FRYL: variants seen among roughly 807,000 people sequenced by gnomAD.
FRYL encodes FRY like transcription coactivator, also known as protein furry homolog-like.
Under a neutral mutation model 351.2 loss-of-function variants are expected in FRYL, and 150 were observed. That is an observed-to-expected ratio of 0.43 (90% confidence interval 0.37 to 0.49). The LOEUF is 0.49. Ranked by LOEUF, FRYL falls within the 20% of genes least tolerant of loss-of-function variation. The probability of loss-of-function intolerance (pLI) is 0.00; values close to 1 mark genes in which losing one functional copy is unlikely to be tolerated. For missense variants in FRYL, 3,036 were observed against 3,619.3 expected, an observed-to-expected ratio of 0.84 and a Z score of 4.13; for synonymous variants, 1,153 against 1,257.1, an observed-to-expected ratio of 0.92 and a Z score of 1.75.
chr4:48,757,537 T>C (rs6447658), intron 1 of FRYL, among the ~76,000 whole-genome samples: 146,925 of 151,310 alleles, frequency 0.97, 71,485 homozygotes, highest in Non-Finnish European at 1. Context: ...TTACAAGGGA[T>C]GTGAAGGACC....
chr4:48,570,437 C>T (rs1233412208), intron 27 of FRYL, among the ~76,000 whole-genome samples: 2 of 152,090 alleles, frequency 1.3e-5, no homozygotes, highest in Non-Finnish European at 2.9e-5. Context: ...AATGTTTAGC[C>T]TGTGAATATA....
At chr4:48,691,170 T>C (rs1285784884) in intron 2 of FRYL, among the ~76,000 whole-genome samples, 2 of 152,208 alleles carry the variant, frequency 1.3e-5, no homozygotes, top group Non-Finnish European at 2.9e-5. Flanking sequence ...TCACAACTTG[T>C]ACCAAAAGCC....
At position 48,546,190 on chromosome 4, in the gene FRYL, C is replaced by G. The variant is rs1007870115; in HGVS notation, c.5156G>C (p.Ser1719Thr). 2.5e-6 allele frequency: 4 copies of G among 1,613,644 alleles called. No homozygotes were observed. The African/African-American group carries it at 4.0e-5, about 16-fold the overall frequency. The change falls in exon 42 of 64, where the codon AGT becomes ACT. Residue 1719 changes from serine (S) to threonine (T), a missense_variant. Around this residue, in one of 7 missense-constraint regions of FRYL, gnomAD observed 1,987 missense variants for 2,311.7 expected, o/e 0.86. Transcript: ENST00000358350. ...SGLSSSSTSSSISLGNNSAAI... is the reference protein window; with the variant it reads ...SGLSSSSTSSTISLGNNSAAI... ...AGCACTGTTATTTCCTAAGCTGATA[C>G]TAGAAGAGGTAGAACTTGAGCTAAG... is the stretch of plus-strand genomic sequence containing the variant.
intron 4 of FRYL, among the ~76,000 whole-genome samples, chr4:48,629,828 G>C (rs1275422152): frequency 6.6e-6 from 1 of 152,018 alleles, no homozygotes; most frequent in Non-Finnish European, 1.5e-5. Context: ...TATGGCTAAA[G>C]GTGAGGATAA....
intron 1 of FRYL, among the ~76,000 whole-genome samples, chr4:48,772,694 A>G (rs1386986612): frequency 6.6e-6 from 1 of 150,746 alleles, no homozygotes; most frequent in Non-Finnish European, 1.5e-5. Flanking sequence ...AAAAAAAAAA[A>G]AAAAAAAAAA....
chr4:48,651,379 C>T (rs1757678234), intron 3 of FRYL, among the ~76,000 whole-genome samples: 1 of 146,178 alleles, frequency 6.8e-6, no homozygotes, highest in Non-Finnish European at 1.5e-5. Context: ...ACTATGTTGC[C>T]CAGGCTGGAC....
At chr4:48,539,894 G>A in intron 47 of FRYL, 77 bp downstream of exon 47, 1 of 1,057,888 alleles carries the variant, frequency 9.5e-7, no homozygotes, top group Non-Finnish European at 1.4e-6. Flanking sequence ...GGAGTTTTAA[G>A]AGATTTCCCC....
At chr4:48,572,894 G>C (rs1456810412) in intron 26 of FRYL, among the ~76,000 whole-genome samples, 2 of 152,188 alleles carry the variant, frequency 1.3e-5, no homozygotes, top group African/African-American at 4.8e-5. Flanking sequence ...GGGCTGAGTA[G>C]AGACAGTATG....
At chr4:48,586,754 A>T in intron 18 of FRYL, 26 bp from the exon 19 acceptor site, 1 of 1,440,518 alleles carries the variant, frequency 6.9e-7, no homozygotes, top group Non-Finnish European at 9.7e-7. Context: ...GGATTTAATA[A>T]GAAACATATT....
At chr4:48,773,812 G>A (rs541880540) in intron 1 of FRYL, among the ~76,000 whole-genome samples, 26 of 152,136 alleles carry the variant, frequency 1.7e-4, no homozygotes, top group Non-Finnish European at 1.9e-4. Context: ...AGCTACTCAC[G>A]GGGCTGAGGT....
intron 28 of FRYL, 98 bp from the exon 29 acceptor site, chr4:48,565,789 A>G (rs1736643943): frequency 9.0e-6 from 11 of 1,218,948 alleles, no homozygotes; most frequent in Non-Finnish European, 1.3e-5. Context: ...GTAAAAAAGA[A>G]AGCAGAAGTT....
intron 1 of FRYL, among the ~76,000 whole-genome samples, chr4:48,759,396 T>G (rs1774171469): frequency 6.6e-6 from 1 of 152,196 alleles, no homozygotes; most frequent in Non-Finnish European, 1.5e-5. Context: ...ATATGTATGT[T>G]GTAGGCACTA....
At chr4:48,530,949 T>C (rs954937544) in intron 50 of FRYL, among the ~76,000 whole-genome samples, 7 of 152,172 alleles carry the variant, frequency 4.6e-5, no homozygotes, top group Non-Finnish European at 8.8e-5. Flanking sequence ...TTCTTTTAGA[T>C]GGGGAATGTA....
intron 47 of FRYL, among the ~76,000 whole-genome samples, chr4:48,538,407 AC>A (rs1435597310): frequency 1.3e-5 from 2 of 152,194 alleles, no homozygotes; most frequent in Non-Finnish European, 2.9e-5. Flanking sequence ...AAATATTTTC[AC>A]ATCATTTATT....
At chr4:48,748,553 A>G (rs1772920051) in intron 1 of FRYL, among the ~76,000 whole-genome samples, 1 of 152,174 alleles carries the variant, frequency 6.6e-6, no homozygotes, top group Non-Finnish European at 1.5e-5. Flanking sequence ...CACGGAAGAC[A>G]CATGTTAACT....
At chr4:48,674,548 G>C (rs572190369) in intron 3 of FRYL, among the ~76,000 whole-genome samples, 1 of 151,708 alleles carries the variant, frequency 6.6e-6, no homozygotes, top group African/African-American at 2.4e-5. Flanking sequence ...CCATCCTGGC[G>C]AACACGGTGA....
intron 47 of FRYL, 42 bp downstream of exon 47, chr4:48,539,929 A>C (rs1474189285): frequency 7.2e-7 from 1 of 1,397,304 alleles, no homozygotes; most frequent in Non-Finnish European, 1.0e-6. Flanking sequence ...ACTACAAAAT[A>C]ATTTCCCTAT....
chr4:48,712,413 T>C (rs531350696), intron 1 of FRYL, among the ~76,000 whole-genome samples: 1 of 151,904 alleles, frequency 6.6e-6, no homozygotes, highest in African/African-American at 2.4e-5. Flanking sequence ...GAGAACTACA[T>C]GAAGAATGCA....
Position 48,515,100 on chromosome 4 carries a change from T to A in FRYL, c.7865A>T (p.Asp2622Val). Residue 2622 changes from aspartate (D) to valine (V), a missense_variant, in exon 56 of 64, where the codon GAT (aspartate) becomes GTT (valine). This residue lies in a region of FRYL where 1,987 missense variants were observed against 2,311.7 expected (regional missense o/e 0.86). Transcript: ENST00000358350. ...ESYPESVCEE[D>V]VTLALKELDE... is the part of the protein sequence containing the mutation. ...TAGCTCTTTCAGAGCTAAGGTAACA[T>A]CCTCTTCACAGACTGACTCGGGGTA... 1 of 1,613,828 alleles carries A rather than the reference T, an allele frequency of 6.2e-7. No homozygotes were observed. Among genetic ancestry groups the A allele is most frequent in the Non-Finnish European group, 8.5e-7 (1 of 1,179,776 alleles).
Sources: allele counts gnomAD v4.1 joint callset (sites outside exome capture counted in the v4.1 genomes callset), GRCh38; gene constraint gnomAD v4.1.1; regional missense constraint gnomAD v4.1.1; transcripts MANE v1.5; gene names NCBI Gene and HGNC (gene_info 2026-07-23, HGNC 2026-07-21).